The following SNTG1 variants were observed in gnomAD, a reference collection of about 807,000 sequenced individuals.
The protein encoded by SNTG1 is syntrophin gamma 1.
A neutral mutation model predicts 74.7 loss-of-function variants in SNTG1; 39 were observed. The observed-to-expected ratio is 0.52, with a 90% confidence interval of 0.40 to 0.68. The LOEUF (loss-of-function observed/expected upper bound fraction) is 0.68. SNTG1 is among the 30% of genes least tolerant of loss of function. The pLI is 0.00. For missense variants in SNTG1, 685 were observed against 609.5 expected (o/e 1.12, Z -1.30); for synonymous variants, 254 against 217.1 (o/e 1.17, Z -1.49).
At chr8:50,390,188 GT>G (rs1390404900) in intron 2 of SNTG1, among the ~76,000 whole-genome samples, 1 of 151,962 alleles carries the variant, frequency 6.6e-6, no homozygotes, top group Non-Finnish European at 1.5e-5. Context: ...TATTGCCTAG[GT>G]TTTCTTCTAG....
intron 1 of SNTG1, among the ~76,000 whole-genome samples, chr8:49,936,331 G>GA (rs1808079656): frequency 6.6e-6 from 1 of 151,964 alleles, no homozygotes; most frequent in Admixed American, 6.6e-5. Context: ...TCAGTGTGCT[G>GA]AAAGTGTCGA....
intron 15 of SNTG1, among the ~76,000 whole-genome samples, chr8:50,702,934 T>TA (rs947957838): frequency 2.5e-4 from 37 of 150,142 alleles, no homozygotes; most frequent in South Asian, 1.7e-3. Context: ...CTAAAAGATT[T>TA]AAAAAAAAAA....
At chr8:50,035,491 A>T (rs1250037160) in intron 1 of SNTG1, among the ~76,000 whole-genome samples, 1 of 152,196 alleles carries the variant, frequency 6.6e-6, no homozygotes, top group African/African-American at 2.4e-5. Flanking sequence ...GAGATGGCAC[A>T]TGAGCAAAAA....
At chr8:50,108,704 T>C (rs184774961) in intron 1 of SNTG1, among the ~76,000 whole-genome samples, 2 of 152,314 alleles carry the variant, frequency 1.3e-5, no homozygotes, top group African/African-American at 4.8e-5. Context: ...AGAAGCTTTG[T>C]TAAAATCCTA....
chr8:50,319,541 A>G (rs950759589), intron 2 of SNTG1, among the ~76,000 whole-genome samples: 7 of 152,158 alleles, frequency 4.6e-5, no homozygotes, highest in African/African-American at 1.7e-4. Flanking sequence ...CTTCCTTTTC[A>G]ATTTGTATGG....
chr8:50,516,535 G>A (rs546342313), intron 9 of SNTG1, among the ~76,000 whole-genome samples: 1 of 152,160 alleles, frequency 6.6e-6, no homozygotes, highest in African/African-American at 2.4e-5. Flanking sequence ...ATGCAAGGAA[G>A]ATAAAAACCT....
At chr8:50,313,527 T>C (rs117631301) in intron 2 of SNTG1, among the ~76,000 whole-genome samples, 4,520 of 149,434 alleles carry the variant, frequency 0.03, 161 homozygotes, top group Middle Eastern at 0.071. Flanking sequence ...AAAGAAGACA[T>C]ACAAATGGCC....
At chr8:50,155,198 C>A (rs922156904) in intron 1 of SNTG1, among the ~76,000 whole-genome samples, 1 of 152,124 alleles carries the variant, frequency 6.6e-6, no homozygotes, top group Admixed American at 6.5e-5. Flanking sequence ...TGATTACAGG[C>A]AGTATGGTCC....
At chr8:50,505,861 T>C (rs1233937506) in intron 9 of SNTG1, among the ~76,000 whole-genome samples, 3 of 152,112 alleles carry the variant, frequency 2.0e-5, no homozygotes, top group Non-Finnish European at 2.9e-5. Context: ...AATTCTTCTG[T>C]AGTCAAGTCT....
chr8:50,304,270 G>A (rs947560434), intron 2 of SNTG1, among the ~76,000 whole-genome samples: 4 of 152,098 alleles, frequency 2.6e-5, no homozygotes, highest in African/African-American at 9.7e-5. Context: ...ACCAAATGCT[G>A]AGCATATGAC....
intron 13 of SNTG1, among the ~76,000 whole-genome samples, chr8:50,624,561 G>A (rs2094944656): frequency 6.6e-6 from 1 of 152,084 alleles, no homozygotes; most frequent in Non-Finnish European, 1.5e-5. Flanking sequence ...TACCTTGGTA[G>A]TACTGCTACT....
chr8:50,524,954 T>C (rs938365757), intron 9 of SNTG1, among the ~76,000 whole-genome samples: 1 of 152,162 alleles, frequency 6.6e-6, no homozygotes, highest in Admixed American at 6.5e-5. Flanking sequence ...TTTGTCTACA[T>C]CTACCTTTAC....
chr8:50,236,603 A>T (rs1275921639), intron 2 of SNTG1, among the ~76,000 whole-genome samples: 2 of 151,986 alleles, frequency 1.3e-5, no homozygotes, highest in Admixed American at 6.6e-5. Flanking sequence ...GGCGCCCGCC[A>T]CTGCGCCCGG....
chr8:50,750,448 G>A (rs1276653918), intron 17 of SNTG1, among the ~76,000 whole-genome samples: 1 of 151,988 alleles, frequency 6.6e-6, no homozygotes, highest in African/African-American at 2.4e-5. Flanking sequence ...TGAGTGAATT[G>A]ACTGCAGTTC....
At chr8:50,399,111 G>C (rs1233104945) in intron 3 of SNTG1, among the ~76,000 whole-genome samples, 1 of 152,088 alleles carries the variant, frequency 6.6e-6, no homozygotes, top group Non-Finnish European at 1.5e-5. Context: ...TAGAACATGT[G>C]TAATATCTGT....
At chr8:50,434,421 A>G (rs575491258) in intron 4 of SNTG1, among the ~76,000 whole-genome samples, 2 of 152,266 alleles carry the variant, frequency 1.3e-5, no homozygotes, top group East Asian at 3.9e-4. Context: ...AGGATGGCTG[A>G]GTCAAATGGT....
chr8:50,287,340 C>T (rs1485876137), intron 2 of SNTG1, among the ~76,000 whole-genome samples: 1 of 152,246 alleles, frequency 6.6e-6, no homozygotes, highest in East Asian at 1.9e-4. Context: ...TCCTAGTTCC[C>T]TTGTCTTTAT....
intron 17 of SNTG1, among the ~76,000 whole-genome samples, chr8:50,728,051 C>G (rs12544285): frequency 0.21 from 31,556 of 152,062 alleles, 3,378 homozygotes; most frequent in South Asian, 0.32. Context: ...CTCACATTCC[C>G]CATTTGAGCA....
chr8:50,447,374 G>A (rs1442843743), intron 5 of SNTG1, among the ~76,000 whole-genome samples: 1 of 152,180 alleles, frequency 6.6e-6, no homozygotes, highest in East Asian at 1.9e-4. Context: ...AATCATTGTT[G>A]TTCCCTGTCC....
Sources: gnomAD v4.1 joint callset for allele counts (sites outside exome capture counted in the v4.1 genomes callset) on GRCh38, gnomAD v4.1.1 for gene constraint, MANE v1.5 for transcripts, NCBI Gene and HGNC (gene_info 2026-07-23, HGNC 2026-07-21) for gene names.